Variants in SMG6 observed in about 807,000 individuals in gnomAD.
SMG6 encodes telomerase-binding protein EST1A.
A neutral mutation model predicts 142.2 loss-of-function variants in SMG6; 66 were observed. The ratio of observed to expected loss-of-function variants is 0.46; its 90% CI spans 0.38 to 0.57. The LOEUF is 0.57. Ranked by LOEUF, SMG6 falls within the 20% of genes least tolerant of loss-of-function variation. The probability of loss-of-function intolerance (pLI) is 0.00; values close to 1 mark genes in which losing one functional copy is unlikely to be tolerated. For missense variants in SMG6, 1,793 were observed against 1,832.0 expected (o/e 0.98, Z 0.39); for synonymous variants, 779 against 702.4 (o/e 1.11, Z -1.72).
intron 13 of SMG6, among the ~76,000 whole-genome samples, chr17:2,154,515 TA>T (rs1293656278): frequency 6.6e-6 from 1 of 152,206 alleles, no homozygotes; most frequent in African/African-American, 2.4e-5. Flanking sequence ...CAACCTTCTT[TA>T]GAGATTACAA....
chr17:2,082,778 T>C (rs183181401), intron 14 of SMG6, among the ~76,000 whole-genome samples: 40 of 152,360 alleles, frequency 2.6e-4, no homozygotes, highest in Non-Finnish European at 4.9e-4. Flanking sequence ...CCAAGATAGC[T>C]TCCTTTGAGG....
intron 10 of SMG6, among the ~76,000 whole-genome samples, chr17:2,228,652 C>T (rs9896317): frequency 0.2 from 31,138 of 152,220 alleles, 3,328 homozygotes; most frequent in Middle Eastern, 0.24. Context: ...CGCAAGCCAC[C>T]GTGCCTGGCC....
At chr17:2,141,616 A>C (rs1181514852) in intron 13 of SMG6, among the ~76,000 whole-genome samples, 6 of 151,972 alleles carry the variant, frequency 3.9e-5, no homozygotes, top group African/African-American at 1.5e-4. Flanking sequence ...ATTTTTAAAA[A>C]ATTTTTTTGC....
Position 2,068,710 on chromosome 17 carries a change from C to T in SMG6, c.3835+68G>A, listed in dbSNP as rs564901105. ...GGCTCTGCCTGCCTGGCCCCCAGGC[C>T]GTGGGGCGTGTGTGGAGGGGGCTGC... On this transcript the variant is annotated intron_variant, in intron 16 of 18. Coordinates refer to ENST00000263073, the MANE Select transcript of SMG6 (RefSeq NM_017575.5). This position sits in a 1 kb window ranked among gnomAD's most constrained non-coding sequence, Gnocchi z 6.7. The T allele has an allele frequency of 3.8e-5, 59 of 1,534,720 alleles. No individual in the cohort carries two copies. The highest frequency in any genetic ancestry group is 2.6e-4 in the African/African-American group (19 of 73,812).
intron 15 of SMG6, among the ~76,000 whole-genome samples, chr17:2,070,406 T>C (rs1357557220): frequency 1.3e-5 from 2 of 152,168 alleles, no homozygotes; most frequent in African/African-American, 2.4e-5. Flanking sequence ...GTCCCAGCCC[T>C]GTCACACCCT....
chr17:2,079,417 G>A (rs2068348119), intron 15 of SMG6, among the ~76,000 whole-genome samples: 1 of 151,504 alleles, frequency 6.6e-6, no homozygotes, highest in African/African-American at 2.4e-5. Context: ...GGCAGATCAC[G>A]AAGTCAAGAG....
intron 13 of SMG6, among the ~76,000 whole-genome samples, chr17:2,170,168 A>G (rs2071459303): frequency 6.6e-6 from 1 of 152,114 alleles, no homozygotes; most frequent in South Asian, 2.1e-4. Flanking sequence ...TACCTATTTC[A>G]CAGTCGTTGA....
rs35802815 is a variant in SMG6, at chr17:2,134,886, ATT to A, written c.3357+37770_3357+37771del. ...TTTTTAAAAAGTTTTATTTTAATTT[ATT>A]TTTTTTTTTGAGACAGAGTCTCACT... is the stretch of plus-strand genomic sequence containing the variant. On this transcript the variant is annotated intron_variant, in intron 13 of 18. Coordinates refer to ENST00000263073, the MANE Select transcript of SMG6 (RefSeq NM_017575.5). Among the ~76,000 whole-genome samples, 498 of 149,380 alleles carry A rather than the reference ATT, an allele frequency of 3.3e-3. 1 individual carries two copies. Among genetic ancestry groups the A allele is most frequent in the African/African-American group, 0.012 (469 of 40,574 alleles).
chr17:2,226,587 C>CA (rs2073325275), intron 10 of SMG6, among the ~76,000 whole-genome samples: 1 of 148,242 alleles, frequency 6.7e-6, no homozygotes, highest in Non-Finnish European at 1.5e-5. Flanking sequence ...TTAAAACAAA[C>CA]AAACAAACAA....
At chr17:2,220,563 G>C (rs184343139) in intron 10 of SMG6, among the ~76,000 whole-genome samples, 5 of 152,160 alleles carry the variant, frequency 3.3e-5, no homozygotes, top group Non-Finnish European at 7.4e-5. Context: ...CCAAGAGTTC[G>C]AGGCTGCAGT....
chr17:2,070,929 C>A (rs907284269), intron 15 of SMG6, among the ~76,000 whole-genome samples: 1 of 152,214 alleles, frequency 6.6e-6, no homozygotes, highest in African/African-American at 2.4e-5. Context: ...GTTCAGTAAA[C>A]CCCTCTGCCC....
At chr17:2,174,750 C>A (rs962031856) in intron 12 of SMG6, among the ~76,000 whole-genome samples, 2 of 152,086 alleles carry the variant, frequency 1.3e-5, no homozygotes, top group Admixed American at 1.3e-4. Context: ...TTGGCTCAGC[C>A]GGGTTTGGCT....
rs776599087 is a variant in SMG6, at chr17:2,303,709, C to T, written c.12G>A (p.Gly4=). 1.3e-6 allele frequency: 2 copies of T among 1,493,444 alleles called. No individual in the cohort carries two copies. Among genetic ancestry groups the T allele is most frequent in the African/African-American group, 1.5e-5 (1 of 68,794 alleles). 92.5% of individuals were successfully genotyped at this position (1,493,444 alleles called of 1,614,324 possible). ...ACGCGGAGATCCGCACACGCTCCAG[C>T]CCTTCCGCCATCTTCGCGGCTGCTG... MAE[G]LERVRISASE... The change falls in exon 1 of 19, where the codon GGG becomes GGA. Residue 4 remains glycine, a synonymous_variant. Transcript: ENST00000263073.
At chr17:2,218,908 T>G (rs2073095339) in intron 10 of SMG6, among the ~76,000 whole-genome samples, 1 of 151,986 alleles carries the variant, frequency 6.6e-6, no homozygotes, top group African/African-American at 2.4e-5. Context: ...AGCGGAGAAG[T>G]TTTTATGTTG....
At chr17:2,078,762 G>A (rs1315453115) in intron 15 of SMG6, among the ~76,000 whole-genome samples, 2 of 152,176 alleles carry the variant, frequency 1.3e-5, no homozygotes, top group Non-Finnish European at 2.9e-5. Context: ...GAATGGTGGT[G>A]AGGAAGCCCA....
At position 2,186,694 on chromosome 17, in the gene SMG6, G is replaced by T; in HGVS notation, c.3124C>A (p.Pro1042Thr). 1 of 1,614,242 alleles carries T rather than the reference G, an allele frequency of 6.2e-7. No individual in the cohort carries two copies. Among genetic ancestry groups the T allele is most frequent in the Non-Finnish European group, 8.5e-7 (1 of 1,180,040 alleles). ...GGCAGATCCAGGGATGTGGGAGGAGGATTCCAGGTGTCCGGGTAGCCGAGC... is the reference window on the plus strand; with the variant it reads ...GGCAGATCCAGGGATGTGGGAGGAGTATTCCAGGTGTCCGGGTAGCCGAGC... ...WMLGYPDTWNPPPTSLDLPSH... is the reference protein window; with the variant it reads ...WMLGYPDTWNTPPTSLDLPSH... The change falls in exon 12 of 19, where the codon CCT becomes ACT. Residue 1042 changes from proline to threonine, a missense_variant. Around this residue, in one of 3 missense-constraint regions of SMG6, gnomAD observed 1,597 missense variants for 1,584.6 expected, o/e 1.01. Coordinates refer to ENST00000263073, the MANE Select transcript of SMG6 (RefSeq NM_017575.5).
chr17:2,271,263 G>C (rs1022558557), intron 8 of SMG6, among the ~76,000 whole-genome samples: 2 of 150,976 alleles, frequency 1.3e-5, no homozygotes, highest in Non-Finnish European at 3.0e-5. Context: ...GCTAATTTTT[G>C]TATTTTTAGT....
intron 10 of SMG6, among the ~76,000 whole-genome samples, chr17:2,190,586 C>T (rs1424477778): frequency 2.0e-5 from 3 of 152,218 alleles, no homozygotes; most frequent in Non-Finnish European, 4.4e-5. Context: ...TGCTTAACAA[C>T]AATGGGATCT....
chr17:2,242,874 T>C (rs2073844544), intron 9 of SMG6, among the ~76,000 whole-genome samples: 1 of 152,170 alleles, frequency 6.6e-6, no homozygotes, highest in Non-Finnish European at 1.5e-5. Flanking sequence ...AGTGATTGTC[T>C]TGGGTCTACA....
Sources: allele counts gnomAD v4.1 joint callset (sites outside exome capture counted in the v4.1 genomes callset), GRCh38; gene constraint gnomAD v4.1.1; regional missense constraint gnomAD v4.1.1; non-coding constraint Gnocchi (gnomAD v3.1); transcripts MANE v1.5; gene names NCBI Gene and HGNC (gene_info 2026-07-23, HGNC 2026-07-21).